Variants in CCDC141 observed in about 807,000 individuals in gnomAD.
CCDC141 encodes coiled-coil domain containing 141, also known as coiled-coil domain-containing protein 141.
In CCDC141, 168 loss-of-function variants were observed where a neutral mutation model predicts 181.0. The ratio of observed to expected loss-of-function variants is 0.93; its 90% confidence interval spans 0.82 to 1.05. The LOEUF is 1.05. Among genes scored for constraint, CCDC141 ranks in the 50% least tolerant of loss-of-function variants. CCDC141 has a pLI of 0.00. For missense variants in CCDC141, 1,902 were observed against 1,788.5 expected, an observed-to-expected ratio of 1.06 and a Z score of -1.14; for synonymous variants, 666 against 642.3, an observed-to-expected ratio of 1.04 and a Z score of -0.56.
At chr2:178,889,210 A>T (rs1385506635) in intron 8 of CCDC141, among the ~76,000 whole-genome samples, 1 of 3,256 alleles carries the variant, frequency 3.1e-4, no homozygotes, top group Non-Finnish European at 7.9e-4. Flanking sequence ...ACTTGTTGAT[A>T]AAAAAAAAAA....
intron 2 of CCDC141, among the ~76,000 whole-genome samples, chr2:179,025,564 C>A (rs1045852182): frequency 6.6e-6 from 1 of 152,192 alleles, no homozygotes; most frequent in East Asian, 1.9e-4. Flanking sequence ...TCCATTAAGC[C>A]TCTCTCTTTT....
At position 178,961,113 on chromosome 2, in the gene CCDC141, G is replaced by A. The variant is rs1181832073; in HGVS notation, c.780+117C>T. On this transcript the variant is annotated intron_variant, in intron 5 of 23. Transcript: ENST00000443758. The stretch of plus-strand genomic sequence containing the variant: ...TGGTAGTTTGGATGAAAGCTTTTTG[G>A]ACCAAAGACCAAAAGATTTGACCAT... The A allele has an allele frequency of 1.8e-5, 18 of 993,558 alleles. No individual in the cohort carries two copies. The East Asian group carries it at 4.3e-4, about 24-fold the overall frequency. 61.5% of individuals were successfully genotyped at this position (993,558 alleles called of 1,614,324 possible).
In CCDC141 at chr2:178,830,915, C is replaced by G. The variant is rs78996089; in HGVS notation, c.*3258G>C. On this transcript the variant is annotated 3_prime_UTR_variant, in exon 24 of 24. Transcript: ENST00000443758. ...ATGTTAAAACCCTGAAGTTAAATGT[C>G]ACTTTACTAGGGGTTGGGGGTAATA... 6.6e-6 allele frequency: 1 copy of G among 152,180 alleles called. No individual in the cohort carries two copies. Among genetic ancestry groups the G allele is most frequent in the South Asian group, 2.1e-4 (1 of 4,822 alleles). The allele number at this position is 152,180 out of a possible 1,614,324, so 9.4% of individuals were successfully genotyped here.
At chr2:178,902,003 C>G (rs1317350348) in intron 8 of CCDC141, among the ~76,000 whole-genome samples, 4 of 152,100 alleles carry the variant, frequency 2.6e-5, no homozygotes, top group Admixed American at 2.0e-4. Flanking sequence ...CTCCCATTCA[C>G]AATTGCTTCA....
intron 10 of CCDC141, among the ~76,000 whole-genome samples, chr2:178,885,979 T>A (rs1056671954): frequency 7.2e-5 from 11 of 152,240 alleles, no homozygotes; most frequent in African/African-American, 2.6e-4. Flanking sequence ...TCTAAAATGT[T>A]TACAATTAAA....
At chr2:178,992,596 G>C (rs1170959421) in intron 2 of CCDC141, among the ~76,000 whole-genome samples, 2 of 152,090 alleles carry the variant, frequency 1.3e-5, no homozygotes, top group Non-Finnish European at 2.9e-5. Flanking sequence ...ATGCAATTAG[G>C]TTAGACTAAT....
chr2:178,960,400 T>C (rs1690343830), intron 5 of CCDC141, among the ~76,000 whole-genome samples: 3 of 152,172 alleles, frequency 2.0e-5, no homozygotes, highest in Admixed American at 2.0e-4. Context: ...CTCTTCAATT[T>C]GGATGGAGTA....
chr2:178,866,049 C>G, intron 16 of CCDC141, 133 bp from the exon 17 acceptor site: 1 of 651,508 alleles, frequency 1.5e-6, no homozygotes, highest in Non-Finnish European at 2.3e-6. Flanking sequence ...TTTATTTTAC[C>G]TTAAACATAT....
rs374301875 is a variant in CCDC141, at chr2:178,925,721, A to T, written c.898-6814T>A. ...CTGGTTGGTGTTTCCATTTTAAATT[A>T]AATTTAATAAAAGTCTAGCTGGCCA... On this transcript the variant is annotated intron_variant, in intron 6 of 23. Transcript: ENST00000443758. Among the ~76,000 whole-genome samples the T allele has an allele frequency of 3.3e-5, 5 of 152,296 alleles. No individual in the cohort carries two copies. In the East Asian group the frequency reaches 9.6e-4, roughly 29 times the overall value.
At chr2:179,037,165 T>G (rs1199799935) in intron 2 of CCDC141, among the ~76,000 whole-genome samples, 1 of 152,156 alleles carries the variant, frequency 6.6e-6, no homozygotes, top group African/African-American at 2.4e-5. Flanking sequence ...CATAGTTCAG[T>G]GGATCTGTGG....
At chr2:178,882,755 A>G (rs1436139908) in intron 11 of CCDC141, among the ~76,000 whole-genome samples, 1 of 152,116 alleles carries the variant, frequency 6.6e-6, no homozygotes, top group Non-Finnish European at 1.5e-5. Flanking sequence ...GCACAATTGT[A>G]TGATTTTCCA....
intron 11 of CCDC141, 39 bp from the exon 12 acceptor site, chr2:178,878,182 A>T (rs1686432946): frequency 7.1e-7 from 1 of 1,409,890 alleles, no homozygotes; most frequent in Non-Finnish European, 9.6e-7. Context: ...ACTTAAACAC[A>T]TTTTTTTAAA....
At chr2:178,882,521 T>C (rs572266226) in intron 11 of CCDC141, among the ~76,000 whole-genome samples, 2 of 152,214 alleles carry the variant, frequency 1.3e-5, no homozygotes, top group African/African-American at 4.8e-5. Context: ...TTGGAACCCA[T>C]GGAGGACAGG....
intron 2 of CCDC141, among the ~76,000 whole-genome samples, chr2:178,984,448 C>G (rs545199011): frequency 1.7e-4 from 26 of 151,782 alleles, no homozygotes; most frequent in Admixed American, 1.5e-3. Flanking sequence ...ATGACAGGAT[C>G]AAATTCACAC....
intron 8 of CCDC141, among the ~76,000 whole-genome samples, chr2:178,900,739 T>C (rs1247708199): frequency 6.6e-6 from 1 of 152,208 alleles, no homozygotes; most frequent in African/African-American, 2.4e-5. Context: ...AAGCTGTTAC[T>C]ACTTTTCTAA....
chr2:179,029,950 G>A (rs1028220319), intron 2 of CCDC141, among the ~76,000 whole-genome samples: 1 of 152,020 alleles, frequency 6.6e-6, no homozygotes, highest in African/African-American at 2.4e-5. Flanking sequence ...GTCTTGCTTA[G>A]TCCTGGAGAA....
chr2:178,917,161 C>T (rs1688491206), intron 7 of CCDC141, among the ~76,000 whole-genome samples: 1 of 152,218 alleles, frequency 6.6e-6, no homozygotes, highest in African/African-American at 2.4e-5. Context: ...TCCTTAGAAA[C>T]AATATTAACT....
intron 2 of CCDC141, among the ~76,000 whole-genome samples, chr2:178,986,745 G>A (rs1455120672): frequency 1.3e-5 from 2 of 151,834 alleles, no homozygotes; most frequent in Non-Finnish European, 2.9e-5. Flanking sequence ...AAATACCTAG[G>A]AATCCAACGT....
intron 17 of CCDC141, among the ~76,000 whole-genome samples, chr2:178,856,873 C>T (rs981703193): frequency 2.6e-5 from 4 of 152,180 alleles, no homozygotes; most frequent in Admixed American, 2.0e-4. Flanking sequence ...GCTTGAGCCA[C>T]CGCGCCTGGC....
Sources: allele counts gnomAD v4.1 joint callset (sites outside exome capture counted in the v4.1 genomes callset), GRCh38; gene constraint gnomAD v4.1.1; transcripts MANE v1.5; gene names NCBI Gene and HGNC (gene_info 2026-07-23, HGNC 2026-07-21).